SEMA3A: variants seen among roughly 807,000 people sequenced by gnomAD.
SEMA3A encodes the protein semaphorin-3A.
A neutral mutation model predicts 97.9 loss-of-function variants in SEMA3A; 29 were observed. The ratio of observed to expected loss-of-function variants is 0.30; its 90% CI spans 0.22 to 0.40. The LOEUF (loss-of-function observed/expected upper bound fraction) is 0.40, where lower values mean the gene tolerates loss of function less well. Among genes scored for constraint, SEMA3A ranks in the 10% least tolerant of loss-of-function variants. The probability of loss-of-function intolerance (pLI) is 1.00; values close to 1 mark genes in which losing one functional copy is unlikely to be tolerated. For missense variants in SEMA3A, 763 were observed against 951.3 expected, an observed-to-expected ratio of 0.80 and a Z score of 2.60; for synonymous variants, 321 against 323.7, an observed-to-expected ratio of 0.99 and a Z score of 0.09.
intron 3 of SEMA3A, among the ~76,000 whole-genome samples, chr7:84,262,520 T>C (rs1229261412): frequency 1.3e-5 from 2 of 152,202 alleles, no homozygotes; most frequent in Non-Finnish European, 2.9e-5. Flanking sequence ...GGCCAATGTA[T>C]TTTCAATCAT....
chr7:84,344,247 C>CA (rs1198611511), intron 2 of SEMA3A, among the ~76,000 whole-genome samples: 2 of 152,094 alleles, frequency 1.3e-5, no homozygotes, highest in African/African-American at 4.8e-5. Flanking sequence ...GCTAATGTTG[C>CA]ATAACAAGTA....
intron 2 of SEMA3A, among the ~76,000 whole-genome samples, chr7:84,347,917 T>C (rs1011518155): frequency 6.6e-6 from 1 of 152,172 alleles, no homozygotes; most frequent in African/African-American, 2.4e-5. Flanking sequence ...GACATGATTG[T>C]ATTGGCGCAT....
intron 4 of SEMA3A, among the ~76,000 whole-genome samples, chr7:84,064,732 T>C (rs1258704846): frequency 6.6e-6 from 1 of 150,616 alleles, no homozygotes; most frequent in African/African-American, 2.5e-5. Flanking sequence ...ATCCTAAATA[T>C]ATATGCACCC....
Position 84,311,158 on chromosome 7 carries a change from T to C in SEMA3A, c.-168-3866A>G, listed in dbSNP as rs1282990904. Among the ~76,000 whole-genome samples, 4 of 151,974 alleles carry C rather than the reference T, an allele frequency of 2.6e-5. No homozygotes were observed. In the East Asian group the frequency reaches 5.8e-4, roughly 22 times the overall value. Reference sequence around the variant, plus strand: ...ATCTGAAAATACTTGTTAAACATACTATATTGGGCAAGGTTTTAGGTGCAA... The same window carrying C: ...ATCTGAAAATACTTGTTAAACATACCATATTGGGCAAGGTTTTAGGTGCAA... On this transcript the variant is annotated intron_variant, in intron 2 of 3. Transcript: ENST00000424555.
chr7:84,147,556 C>T lies in SEMA3A; in HGVS notation c.113-12605G>A, dbSNP rs143259570. On this transcript the variant is annotated intron_variant, in intron 1 of 16. Coordinates refer to ENST00000265362, the MANE Select transcript of SEMA3A (RefSeq NM_006080.3). The stretch of plus-strand genomic sequence containing the variant: ...AGATCACTTAGACATACTCAAGGAT[C>T]AATCAAGTAAGCAGATCAGAGAGAC... Among the ~76,000 whole-genome samples, 500 of 152,246 alleles carry T rather than the reference C, an allele frequency of 3.3e-3. 1 individual carries two copies. Among genetic ancestry groups the T allele is most frequent in the African/African-American group, 0.011 (474 of 41,548 alleles).
intron 5 of SEMA3A, among the ~76,000 whole-genome samples, chr7:84,050,249 C>G (rs10954741): frequency 0.79 from 119,437 of 151,912 alleles, 47,042 homozygotes; most frequent in East Asian, 0.89. Flanking sequence ...ATGGCTGGGT[C>G]AAATGGTATT....
intron 2 of SEMA3A, among the ~76,000 whole-genome samples, chr7:84,313,304 G>T (rs1801392662): frequency 8.2e-6 from 1 of 122,642 alleles, no homozygotes; most frequent in Non-Finnish European, 1.7e-5. Flanking sequence ...GTATATATAT[G>T]TATTATATAC....
rs1788439998 is a variant in SEMA3A, at chr7:83,960,862, TTCAG to T, written c.*505_*508del. On this transcript the variant is annotated 3_prime_UTR_variant, in exon 17 of 17. Transcript: ENST00000265362. ...TTTAATATTTCCACAGAACATTTCA[TTCAG>T]TATCATTTTACTCATTTTACTCCTC... 6.4e-6 allele frequency: 1 copy of T among 155,402 alleles called. No individual in the cohort carries two copies. Among genetic ancestry groups the T allele is most frequent in the Non-Finnish European group, 1.4e-5 (1 of 69,806 alleles). The allele number at this position is 155,402 out of a possible 1,614,324, so 9.6% of individuals were successfully genotyped here. A position where few individuals can be genotyped will look rare whatever the true frequency, so the allele number is the denominator to read the frequency against.
chr7:84,126,769 T>G (rs1795811466), intron 3 of SEMA3A, among the ~76,000 whole-genome samples: 1 of 152,182 alleles, frequency 6.6e-6, no homozygotes, highest in African/African-American at 2.4e-5. Flanking sequence ...TTCAAATAAT[T>G]TTCACAAAAA....
At chr7:83,965,536 C>A (rs1227994464) in intron 15 of SEMA3A, among the ~76,000 whole-genome samples, 1 of 145,312 alleles carries the variant, frequency 6.9e-6, no homozygotes, top group East Asian at 2.1e-4. Context: ...ATAAATCCTT[C>A]AATACATTAA....
chr7:84,057,751 GATAAATAAATAA>G (rs71297135), intron 5 of SEMA3A, among the ~76,000 whole-genome samples: 26 of 142,638 alleles, frequency 1.8e-4, no homozygotes, highest in South Asian at 9.0e-4. Flanking sequence ...GACAGAGCAA[GATAAATAAATAA>G]ATAAATAAAT....
chr7:84,240,817 C>T (rs922329942), intron 3 of SEMA3A, among the ~76,000 whole-genome samples: 13 of 152,188 alleles, frequency 8.5e-5, no homozygotes, highest in Non-Finnish European at 5.9e-5. Context: ...CATGTGTTCT[C>T]ATTGTTCATC....
chr7:84,414,339 T>C (rs1804367638), intron 1 of SEMA3A, among the ~76,000 whole-genome samples: 1 of 150,094 alleles, frequency 6.7e-6, no homozygotes, highest in South Asian at 2.1e-4. Flanking sequence ...TAAACATTAA[T>C]GTAATAATTA....
chr7:84,132,596 A>G (rs1172889002), intron 2 of SEMA3A, among the ~76,000 whole-genome samples: 2 of 151,340 alleles, frequency 1.3e-5, no homozygotes, highest in Non-Finnish European at 2.9e-5. Context: ...TATTATAAAT[A>G]CCTACAATTT....
At chr7:84,000,952 A>G (rs554155872) in intron 12 of SEMA3A, among the ~76,000 whole-genome samples, 2 of 152,220 alleles carry the variant, frequency 1.3e-5, no homozygotes, top group East Asian at 1.9e-4. Context: ...AATCCAGCCT[A>G]TTCATTTTAT....
At chr7:84,127,416 A>G (rs1049778372) in intron 3 of SEMA3A, among the ~76,000 whole-genome samples, 4 of 152,058 alleles carry the variant, frequency 2.6e-5, no homozygotes, top group Admixed American at 6.6e-5. Context: ...CTTCTTAGCT[A>G]TAAATTTCCA....
At chr7:84,426,323 G>A (rs1804829799) in intron 1 of SEMA3A, among the ~76,000 whole-genome samples, 1 of 148,692 alleles carries the variant, frequency 6.7e-6, no homozygotes, top group African/African-American at 2.5e-5. Context: ...TAGATAGACA[G>A]ACAAATGCCT....
Position 84,014,237 on chromosome 7 carries a change from G to A in SEMA3A, c.782C>T (p.Thr261Ile). The change falls in exon 7 of 17, where the codon ACT becomes ATT. Residue 261 changes from threonine (T) to isoleucine (I), a missense_variant. This residue lies in a region of SEMA3A where 678 missense variants were observed against 881.3 expected (regional missense o/e 0.77). Coordinates refer to ENST00000265362, the MANE Select transcript of SEMA3A (RefSeq NM_006080.3). ...GCATATCTGACCTATTCTAGCGTGAGTAGCTTTTCCAGAGTGTTCTCCATC... is the reference window on the plus strand; with the variant it reads ...GCATATCTGACCTATTCTAGCGTGAATAGCTTTTCCAGAGTGTTCTCCATC... Reference protein sequence around the residue: ...AIDGEHSGKATHARIGQICKN... With the variant: ...AIDGEHSGKAIHARIGQICKN... 6.2e-7 allele frequency: 1 copy of A among 1,613,406 alleles called. No individual in the cohort carries two copies. Among genetic ancestry groups the A allele is most frequent in the Non-Finnish European group, 8.5e-7 (1 of 1,179,746 alleles).
chr7:84,037,906 T>C (rs1446720432), intron 6 of SEMA3A, among the ~76,000 whole-genome samples: 1 of 152,130 alleles, frequency 6.6e-6, no homozygotes, highest in Admixed American at 6.6e-5. Context: ...TCTTTAGTCA[T>C]GTAGTAACCC....
Sources: allele counts gnomAD v4.1 joint callset (sites outside exome capture counted in the v4.1 genomes callset), GRCh38; gene constraint gnomAD v4.1.1; regional missense constraint gnomAD v4.1.1; transcripts MANE v1.5; gene names NCBI Gene and HGNC (gene_info 2026-07-23, HGNC 2026-07-21).